The following CD28 variants were observed in gnomAD, a reference collection of about 807,000 sequenced individuals.
CD28 encodes the protein T-cell-specific surface glycoprotein CD28.
Under a neutral mutation model 21.4 loss-of-function variants are expected in CD28, and 8 were observed. The observed-to-expected ratio is 0.37, with a 90% CI of 0.22 to 0.68. The LOEUF is 0.68. Among genes scored for constraint, CD28 ranks in the 30% least tolerant of loss-of-function variants. The pLI, the probability that CD28 is intolerant of heterozygous loss-of-function variation, is 0.55. For synonymous variants in CD28, 106 were observed against 104.0 expected, an observed-to-expected ratio of 1.02 and a Z score of -0.12; for missense variants, 239 against 272.2, an observed-to-expected ratio of 0.88 and a Z score of 0.86.
At chr2:203,727,794 C>T (rs2106120965) in intron 2 of CD28, among the ~76,000 whole-genome samples, 1 of 152,262 alleles carries the variant, frequency 6.6e-6, no homozygotes, top group South Asian at 2.1e-4. Flanking sequence ...ATTCTCCTGC[C>T]TCAGCCTCCT....
rs560383023 is a variant in CD28, at chr2:203,735,337, A to T, written c.*425A>T. On this transcript the variant is annotated 3_prime_UTR_variant, in exon 4 of 4. Transcript: ENST00000324106. ...TTCCTTTTGGTTAAATGGGTGTTTA[A>T]TCTTTTGGTTAGTGGGTTAAACGGG... 1 of 176,098 alleles carries T rather than the reference A, an allele frequency of 5.7e-6. No homozygotes were observed. The highest frequency in any genetic ancestry group is 1.2e-5 in the Non-Finnish European group (1 of 83,446). The allele number at this position is 176,098 out of a possible 1,614,324, so 10.9% of individuals were successfully genotyped here.
chr2:203,723,594 A>C (rs1365382913), intron 1 of CD28, among the ~76,000 whole-genome samples: 1 of 152,198 alleles, frequency 6.6e-6, no homozygotes, highest in Non-Finnish European at 1.5e-5. Context: ...CTGAATAGAG[A>C]GTTCTCTAAA....
chr2:203,709,143 A>G (rs1693245594), intron 1 of CD28, among the ~76,000 whole-genome samples: 1 of 152,066 alleles, frequency 6.6e-6, no homozygotes, highest in African/African-American at 2.4e-5. Flanking sequence ...CATTCTAATC[A>G]AATAGTGCAA....
intron 1 of CD28, among the ~76,000 whole-genome samples, chr2:203,707,499 C>T (rs1693191524): frequency 6.6e-6 from 1 of 152,122 alleles, no homozygotes; most frequent in Admixed American, 6.5e-5. Flanking sequence ...CTGGAGTCAC[C>T]ACAGAAGCTG....
intron 1 of CD28, among the ~76,000 whole-genome samples, chr2:203,707,540 C>A (rs1693193052): frequency 6.6e-6 from 1 of 152,184 alleles, no homozygotes; most frequent in South Asian, 2.1e-4. Flanking sequence ...AATTAGTTTT[C>A]TTTTACAATC....
At chr2:203,726,533 C>A in intron 1 of CD28, 100 bp from the exon 2 acceptor site, 1 of 805,804 alleles carries the variant, frequency 1.2e-6, no homozygotes. Flanking sequence ...AAAACCTTTG[C>A]TGGAGATCTG....
chr2:203,708,738 C>G (rs149696367), intron 1 of CD28, among the ~76,000 whole-genome samples: 27 of 152,294 alleles, frequency 1.8e-4, no homozygotes, highest in African/African-American at 6.5e-4. Flanking sequence ...GAGTGGCTAT[C>G]TAATGAAGAA....
chr2:203,726,430 A>T (rs3181106), intron 1 of CD28, among the ~76,000 whole-genome samples: 15 of 152,106 alleles, frequency 9.9e-5, no homozygotes, highest in African/African-American at 3.6e-4. Flanking sequence ...CCATTGTTCC[A>T]TTCAAAAGAG....
At chr2:203,712,053 G>C (rs113875572) in intron 1 of CD28, among the ~76,000 whole-genome samples, 39 of 151,920 alleles carry the variant, frequency 2.6e-4, no homozygotes, top group Non-Finnish European at 1.5e-5. Context: ...TTAGCCAGGC[G>C]TGGTGGTACA....
At chr2:203,734,674 T>A in intron 3 of CD28, 110 bp from the exon 4 acceptor site, 2 of 1,363,026 alleles carry the variant, frequency 1.5e-6, no homozygotes, top group Non-Finnish European at 2.1e-6. Context: ...AAGGTTAGTG[T>A]TTTAGTGTCT....
At chr2:203,706,520 C>A, upstream of CD28, 1 of 1,548,368 alleles carries the variant, frequency 6.5e-7, no homozygotes, top group Non-Finnish European at 8.7e-7. Context: ...ATGCTGCAGT[C>A]AGGATGCCTT....
chr2:203,715,464 C>T (rs755690270), intron 1 of CD28, among the ~76,000 whole-genome samples: 13 of 151,994 alleles, frequency 8.6e-5, no homozygotes, highest in African/African-American at 1.9e-4. Flanking sequence ...GACCTGTGAA[C>T]GGTAGGGATT....
At chr2:203,734,225 A>T (rs1693967145) in intron 3 of CD28, among the ~76,000 whole-genome samples, 1 of 152,230 alleles carries the variant, frequency 6.6e-6, no homozygotes, top group South Asian at 2.1e-4. Context: ...ATCCTGATGG[A>T]GCCAAGCCTA....
rs200394525 is a variant in CD28 at position 203,736,476 on chromosome 2, T to C, written c.*1564T>C. On this transcript the variant is annotated 3_prime_UTR_variant, in exon 4 of 4. Coordinates refer to ENST00000324106, the MANE Select transcript of CD28 (RefSeq NM_006139.4). ...CTGCTCCTGTACCTTGGAGGTCCAT[T>C]CACATGGGAAAGTATTTTGGAATGT... The C allele has an allele frequency of 6.6e-6, 1 of 152,442 alleles. No homozygotes were observed. Among genetic ancestry groups the C allele is most frequent in the Non-Finnish European group, 1.5e-5 (1 of 68,052 alleles). The allele number at this position is 152,442 out of a possible 1,614,324, so 9.4% of individuals were successfully genotyped here.
intron 2 of CD28, among the ~76,000 whole-genome samples, 156 bp from the exon 3 acceptor site, chr2:203,729,492 G>A (rs1224180953): frequency 6.6e-6 from 1 of 152,186 alleles, no homozygotes; most frequent in Non-Finnish European, 1.5e-5. Context: ...CAGTGGTGGG[G>A]TTGGGTAAGT....
At chr2:203,714,794 C>A (rs961725324) in intron 1 of CD28, among the ~76,000 whole-genome samples, 2 of 152,166 alleles carry the variant, frequency 1.3e-5, no homozygotes, top group African/African-American at 2.4e-5. Context: ...AATTAGAAAC[C>A]AGCCATCTCT....
At chr2:203,733,315 C>T (rs1213557229) in intron 3 of CD28, among the ~76,000 whole-genome samples, 1 of 152,100 alleles carries the variant, frequency 6.6e-6, no homozygotes, top group Non-Finnish European at 1.5e-5. Context: ...CTAAATGTCT[C>T]CTGGGACAGG....
chr2:203,729,370 G>A (rs903407947), intron 2 of CD28, among the ~76,000 whole-genome samples: 3 of 152,150 alleles, frequency 2.0e-5, no homozygotes, highest in African/African-American at 4.8e-5. Flanking sequence ...GGAAGTCACC[G>A]TTTTGAATCA....
At chr2:203,726,516 C>T in intron 1 of CD28, 117 bp from the exon 2 acceptor site, 1 of 716,086 alleles carries the variant, frequency 1.4e-6, no homozygotes, top group Non-Finnish European at 2.4e-6. Context: ...ACATCTTCTG[C>T]CAAGAGAAAA....
Sources: allele counts gnomAD v4.1 joint callset (sites outside exome capture counted in the v4.1 genomes callset), GRCh38; gene constraint gnomAD v4.1.1; transcripts MANE v1.5; gene names NCBI Gene and HGNC (gene_info 2026-07-23, HGNC 2026-07-21).